Variants in CNRIP1 observed in about 807,000 individuals in gnomAD.
CNRIP1 encodes cannabinoid receptor interacting protein 1.
A neutral mutation model predicts 15.2 loss-of-function variants in CNRIP1; 10 were observed. The ratio of observed to expected loss-of-function variants is 0.66; its 90% confidence interval spans 0.41 to 1.12. CNRIP1 has a LOEUF of 1.12. CNRIP1 is among the 50% of genes most tolerant of loss of function. The pLI is 0.00. For synonymous variants in CNRIP1, 91 were observed against 83.2 expected (o/e 1.09, Z -0.51); for missense variants, 211 against 214.7 (o/e 0.98, Z 0.11).
chr2:68,284,945 G>A (rs1670992934), intron 2 of CNRIP1, among the ~76,000 whole-genome samples: 1 of 152,086 alleles, frequency 6.6e-6, no homozygotes, highest in Non-Finnish European at 1.5e-5. Context: ...CCATATGTTT[G>A]TTTTGTTAAA....
At position 68,319,824 on chromosome 2, in the gene CNRIP1, C is replaced by G. The variant is rs1464973291; in HGVS notation, c.-424G>C. 6.3e-6 allele frequency: 1 copy of G among 157,718 alleles called. No homozygotes were observed. The highest frequency in any genetic ancestry group is 2.4e-5 in the African/African-American group (1 of 41,568). The allele number at this position is 157,718 out of a possible 1,614,324, so 9.8% of individuals were successfully genotyped here. A position where few individuals can be genotyped will look rare whatever the true frequency, so the allele number is the denominator to read the frequency against. On this transcript the variant is annotated 5_prime_UTR_variant, in exon 1 of 3. Transcript: ENST00000263655. ...ACATTTAGGCTCCTCCTAGAACAGCCCCGGGCAGGAGGAGGAGAGGTTTGG... is the reference window on the plus strand; with the variant it reads ...ACATTTAGGCTCCTCCTAGAACAGCGCCGGGCAGGAGGAGGAGAGGTTTGG...
rs1671039943 is a variant in CNRIP1 at position 68,286,730 on chromosome 2, G to A, written c.331-2246C>T. Among the ~76,000 whole-genome samples, 3 of 152,196 alleles carry A rather than the reference G, an allele frequency of 2.0e-5. No homozygotes were observed. In the South Asian group the frequency reaches 6.2e-4, roughly 32 times the overall value. Reference sequence around the variant, plus strand: ...AGGGAGGAAATACCCTTGGCTGTCAGAGGCCAAGGGTCTATAAACTTCTAG... The same window carrying A: ...AGGGAGGAAATACCCTTGGCTGTCAAAGGCCAAGGGTCTATAAACTTCTAG... On this transcript the variant is annotated intron_variant, in intron 2 of 2. Transcript: ENST00000409559.
chr2:68,285,835 A>G (rs1671018971), intron 2 of CNRIP1, among the ~76,000 whole-genome samples: 1 of 152,120 alleles, frequency 6.6e-6, no homozygotes, highest in Non-Finnish European at 1.5e-5. Context: ...AGGATACAGA[A>G]CAGTTCCATC....
chr2:68,297,601 GA>G (rs1170215591), intron 2 of CNRIP1, among the ~76,000 whole-genome samples: 2 of 122,500 alleles, frequency 1.6e-5, no homozygotes, highest in Non-Finnish European at 3.5e-5. Flanking sequence ...AAAAAAAAAG[GA>G]AAAAATGACT....
At chr2:68,292,306 A>G (rs1253015792), downstream of CNRIP1, among the ~76,000 whole-genome samples, 2 of 152,200 alleles carry the variant, frequency 1.3e-5, no homozygotes, top group African/African-American at 4.8e-5. Context: ...TATGATCCCC[A>G]AAGGCAAGGC....
chr2:68,315,438 C>G, intron 2 of CNRIP1, among the ~76,000 whole-genome samples: 1 of 152,148 alleles, frequency 6.6e-6, no homozygotes, highest in East Asian at 1.9e-4. Flanking sequence ...CACATTTCTT[C>G]TAGAAATCAA....
chr2:68,284,949 TG>T (rs1670993078), intron 2 of CNRIP1, among the ~76,000 whole-genome samples: 1 of 152,260 alleles, frequency 6.6e-6, no homozygotes, highest in African/African-American at 2.4e-5. Context: ...ATGTTTGTTT[TG>T]TTAAAATAGC....
chr2:68,291,239 C>G (rs1671160482), downstream of CNRIP1, among the ~76,000 whole-genome samples: 1 of 152,052 alleles, frequency 6.6e-6, no homozygotes, highest in South Asian at 2.1e-4. Flanking sequence ...TTACTTCTGG[C>G]CCTAAGGAAA....
At chr2:68,302,907 T>A (rs373082349) in intron 2 of CNRIP1, among the ~76,000 whole-genome samples, 3 of 146,340 alleles carry the variant, frequency 2.1e-5, no homozygotes, top group Admixed American at 7.0e-5. Flanking sequence ...AGTGCAGTGG[T>A]GCGATCTCGG....
At chr2:68,285,673 GA>G (rs1671014116) in intron 2 of CNRIP1, among the ~76,000 whole-genome samples, 1 of 80,930 alleles carries the variant, frequency 1.2e-5, no homozygotes, top group East Asian at 4.1e-4. Flanking sequence ...AAAAAAAAAA[GA>G]AAAGAAAAGA....
Position 68,317,150 on chromosome 2 carries a change from G to A in CNRIP1, c.330+7C>T, listed in dbSNP as rs2103694972. On this transcript the variant is annotated splice_region_variant and intron_variant, in intron 2 of 2. Transcript: ENST00000263655. The stretch of plus-strand genomic sequence containing the variant: ...ACCATACTCCTATACCCGCAAGCAA[G>A]CCTTACCGGCATGGTGATCTGGATG... The A allele has an allele frequency of 6.2e-7, 1 of 1,614,120 alleles. No homozygotes were observed. Among genetic ancestry groups the A allele is most frequent in the Admixed American group, 1.7e-5 (1 of 60,016 alleles).
chr2:68,305,704 G>A (rs1475096974), intron 2 of CNRIP1, among the ~76,000 whole-genome samples: 2 of 151,038 alleles, frequency 1.3e-5, no homozygotes, highest in Non-Finnish European at 2.9e-5. Context: ...GCTGAGGCAG[G>A]AGAATGGCAT....
chr2:68,319,661 T>C lies in CNRIP1; in HGVS notation c.-261A>G. The C allele has an allele frequency of 4.6e-6, 2 of 435,588 alleles. No individual in the cohort carries two copies. Among genetic ancestry groups the C allele is most frequent in the East Asian group, 4.3e-5 (1 of 23,240 alleles). 27.0% of individuals were successfully genotyped at this position (435,588 alleles called of 1,614,324 possible). A position where few individuals can be genotyped will look rare whatever the true frequency, so the allele number is the denominator to read the frequency against. On this transcript the variant is annotated 5_prime_UTR_variant, in exon 1 of 3. It removes an upstream start codon present in the reference 5' UTR. Transcript: ENST00000263655. ...GGCTCCAAGGCCGCGCGCTTCCCCA[T>C]CCCCCGCTCCAGTGCTGCGCCCTCC...
At chr2:68,318,976 AC>A (rs1672384124) in intron 1 of CNRIP1, among the ~76,000 whole-genome samples, 1 of 152,368 alleles carries the variant, frequency 6.6e-6, no homozygotes, top group African/African-American at 2.4e-5. Context: ...GCTTCTTGTC[AC>A]TGATTTTAAA....
At chr2:68,299,069 T>C (rs1467314152) in intron 2 of CNRIP1, among the ~76,000 whole-genome samples, 2 of 152,168 alleles carry the variant, frequency 1.3e-5, no homozygotes, top group Non-Finnish European at 2.9e-5. Context: ...CTCCAGTTTA[T>C]GGACAAAAAA....
chr2:68,294,751 G>C (rs1671286576), intron 2 of CNRIP1, among the ~76,000 whole-genome samples: 2 of 152,162 alleles, frequency 1.3e-5, no homozygotes, highest in African/African-American at 4.8e-5. Flanking sequence ...TATAAGTCAG[G>C]AGTCCATGCC....
downstream of CNRIP1, among the ~76,000 whole-genome samples, chr2:68,291,576 TA>T (rs908849232): frequency 6.6e-6 from 1 of 150,410 alleles, no homozygotes; most frequent in African/African-American, 2.5e-5. Flanking sequence ...AGCCTTTAGT[TA>T]AAAAAGAAAA....
rs1469769582 is a variant in CNRIP1 at position 68,319,414 on chromosome 2, T to C, written c.-14A>G. 2.6e-6 allele frequency: 4 copies of C among 1,534,390 alleles called. No homozygotes were observed. The highest frequency in any genetic ancestry group is 2.4e-5 in the South Asian group (2 of 84,050). On this transcript the variant is annotated 5_prime_UTR_variant, in exon 1 of 3. Transcript: ENST00000263655. Reference sequence around the variant, plus strand: ...CAGGTCCCCCATGTCTGGGCGAGGGTCTGGCGCGGCGGCTCCGGGGGGCGG... The same window carrying C: ...CAGGTCCCCCATGTCTGGGCGAGGGCCTGGCGCGGCGGCTCCGGGGGGCGG...
At chr2:68,295,077 T>C (rs986658791) in intron 2 of CNRIP1, among the ~76,000 whole-genome samples, 6 of 152,192 alleles carry the variant, frequency 3.9e-5, no homozygotes, top group African/African-American at 1.4e-4. Context: ...AACTGCATGA[T>C]GCCTGTCGTT....
Sources: allele counts gnomAD v4.1 joint callset (sites outside exome capture counted in the v4.1 genomes callset), GRCh38; gene constraint gnomAD v4.1.1; transcripts MANE v1.5; gene names NCBI Gene and HGNC (gene_info 2026-07-23, HGNC 2026-07-21).